CDCA2: variants seen among roughly 807,000 people sequenced by gnomAD.
CDCA2 encodes cell division cycle-associated protein 2.
CDCA2 carries 44 observed loss-of-function variants against 67.0 expected under a neutral mutation model. The observed-to-expected ratio is 0.66, with a 90% CI of 0.52 to 0.84. The LOEUF is 0.84. Ranked by LOEUF, CDCA2 falls within the 40% of genes least tolerant of loss-of-function variation. The probability of loss-of-function intolerance (pLI) is 0.00; values close to 1 mark genes in which losing one functional copy is unlikely to be tolerated. For missense variants in CDCA2, 1,253 were observed against 1,203.2 expected, an observed-to-expected ratio of 1.04 and a Z score of -0.61; for synonymous variants, 447 against 418.7, an observed-to-expected ratio of 1.07 and a Z score of -0.82.
In CDCA2 at chr8:25,460,452, A is replaced by G. The variant is rs751292843; in HGVS notation, c.130A>G (p.Asn44Asp). 1.1e-5 allele frequency: 17 copies of G among 1,614,022 alleles called. No homozygotes were observed. The Admixed American group carries it at 1.5e-4, about 14-fold the overall frequency. ...TCAGAAGCATGCCGAATTACCTCCT[A>G]ATCCTTGCACACCAGATACTTTTAA... ...TPQKHAELPP[N>D]PCTPDTFKSP... Residue 44 changes from asparagine to aspartate, a missense_variant, in exon 3 of 15, where the codon AAT becomes GAT. Physicochemically the swap from Asn to Asp is conservative, Grantham distance 23. Coordinates refer to ENST00000330560, the MANE Select transcript of CDCA2 (RefSeq NM_152562.4).
At chr8:25,487,456 C>A in intron 12 of CDCA2, 122 bp downstream of exon 12, 1 of 688,830 alleles carries the variant, frequency 1.5e-6, no homozygotes, top group Non-Finnish European at 2.5e-6. Context: ...AGAATTAATA[C>A]TTTGGCCAGG....
intron 13 of CDCA2, among the ~76,000 whole-genome samples, chr8:25,489,834 A>C (rs1803932673): frequency 6.6e-6 from 1 of 152,222 alleles, no homozygotes; most frequent in Non-Finnish European, 1.5e-5. Context: ...ATGGTTAATG[A>C]CCATATATGA....
intron 8 of CDCA2, among the ~76,000 whole-genome samples, chr8:25,481,092 TG>T (rs1803549553): frequency 1.3e-5 from 2 of 152,200 alleles, no homozygotes; most frequent in Non-Finnish European, 2.9e-5. Flanking sequence ...GATGGTCAAT[TG>T]CTATTTGTAA....
chr8:25,468,080 T>G, intron 5 of CDCA2, 137 bp from the exon 6 acceptor site: 1 of 290,950 alleles, frequency 3.4e-6, no homozygotes, highest in Non-Finnish European at 5.4e-6. Context: ...ATCGCACCAT[T>G]GTACTCAAGC....
At chr8:25,497,666 G>A (rs191306342) in intron 13 of CDCA2, among the ~76,000 whole-genome samples, 1 of 152,036 alleles carries the variant, frequency 6.6e-6, no homozygotes, top group African/African-American at 2.4e-5. Context: ...TGGTGACTAG[G>A]AAATAATAAT....
At chr8:25,461,387 A>G (rs934463497) in intron 3 of CDCA2, among the ~76,000 whole-genome samples, 1 of 152,166 alleles carries the variant, frequency 6.6e-6, no homozygotes, top group African/African-American at 2.4e-5. Context: ...AGGAAATACT[A>G]TATGAGAATG....
chr8:25,500,152 T>G (rs1804415120), intron 13 of CDCA2, among the ~76,000 whole-genome samples: 1 of 152,046 alleles, frequency 6.6e-6, no homozygotes, highest in Non-Finnish European at 1.5e-5. Context: ...CTTTGACCAT[T>G]CATTCATTCA....
At chr8:25,483,279 A>G (rs1256540282) in intron 8 of CDCA2, 120 bp from the exon 9 acceptor site, 20 of 504,600 alleles carry the variant, frequency 4.0e-5, no homozygotes, top group Non-Finnish European at 6.7e-5. Context: ...AAATAAAGGT[A>G]ATCTTTAATA....
intron 4 of CDCA2, among the ~76,000 whole-genome samples, chr8:25,465,009 T>C (rs865992657): frequency 3.3e-5 from 5 of 152,206 alleles, no homozygotes; most frequent in African/African-American, 1.2e-4. Flanking sequence ...AGCCTTGCTC[T>C]GTTACGCAGC....
intron 7 of CDCA2, among the ~76,000 whole-genome samples, chr8:25,477,065 G>C (rs965704320): frequency 6.6e-6 from 1 of 152,142 alleles, no homozygotes; most frequent in Non-Finnish European, 1.5e-5. Context: ...AAACTTTTAA[G>C]AGAAGGCCAC....
intron 5 of CDCA2, 95 bp from the exon 6 acceptor site, chr8:25,468,118 CAAAA>C (rs60060887): frequency 6.8e-4 from 108 of 159,652 alleles, no homozygotes; most frequent in Non-Finnish European, 8.6e-4. Flanking sequence ...AACTCCGTCT[CAAAA>C]AAAAAAAAAA....
chr8:25,461,036 G>A (rs1424961206), intron 3 of CDCA2, among the ~76,000 whole-genome samples: 1 of 152,220 alleles, frequency 6.6e-6, no homozygotes, highest in South Asian at 2.1e-4. Context: ...GGGAGGCCGA[G>A]GCAGGCAGAT....
chr8:25,506,201 G>A (rs1287027718), intron 14 of CDCA2, among the ~76,000 whole-genome samples: 2 of 152,208 alleles, frequency 1.3e-5, no homozygotes, highest in African/African-American at 4.8e-5. Flanking sequence ...CATACTCATG[G>A]ACCTTGTAGC....
At chr8:25,459,229 G>GGGTGGAGGAGGCT (rs1563254182), upstream of CDCA2, 2 of 152,678 alleles carry the variant, frequency 1.3e-5, no homozygotes, top group Admixed American at 1.3e-4. Context: ...CGGAGGAGGC[G>GGGTGGAGGAGGCT]GGTGGAGGAG....
intron 6 of CDCA2, 38 bp from the exon 7 acceptor site, chr8:25,469,858 A>G: frequency 7.4e-7 from 1 of 1,351,802 alleles, no homozygotes; most frequent in Non-Finnish European, 1.1e-6. Flanking sequence ...TAGTACTCTA[A>G]TTAATAAAAT....
In CDCA2 at chr8:25,506,667, A is replaced by C; in HGVS notation, c.2001A>C (p.Ser667=). Reference sequence around the variant, plus strand: ...TCTGCTCTTATATAAAAAGTTCCTCATCGCTTGGCAATGCTACTTCTGATG... The same window carrying C: ...TCTGCTCTTATATAAAAAGTTCCTCCTCGCTTGGCAATGCTACTTCTGATG... ...SEFCSYIKSS[S]SLGNATSDED... The change falls in exon 15 of 15, where the codon TCA becomes TCC. Residue 667 remains serine, a synonymous_variant. Transcript: ENST00000330560. 6.2e-7 allele frequency: 1 copy of C among 1,613,368 alleles called. No individual in the cohort carries two copies. The highest frequency in any genetic ancestry group is 8.5e-7 in the Non-Finnish European group (1 of 1,179,878).
chr8:25,499,264 A>G (rs896318705), intron 13 of CDCA2, among the ~76,000 whole-genome samples: 2 of 139,854 alleles, frequency 1.4e-5, no homozygotes, highest in South Asian at 2.4e-4. Context: ...AACCTCTCCT[A>G]TATGGTGTGA....
intron 5 of CDCA2, among the ~76,000 whole-genome samples, chr8:25,467,900 C>T (rs1337475111): frequency 6.6e-6 from 1 of 151,832 alleles, no homozygotes; most frequent in Non-Finnish European, 1.5e-5. Context: ...GGGTGGATCA[C>T]CTGAGGTCAG....
intron 13 of CDCA2, among the ~76,000 whole-genome samples, chr8:25,502,037 A>G (rs183712101): frequency 6.6e-6 from 1 of 152,250 alleles, no homozygotes; most frequent in East Asian, 1.9e-4. Context: ...AGCTGGGACT[A>G]CAGGTGCGCA....
Sources: allele counts gnomAD v4.1 joint callset (sites outside exome capture counted in the v4.1 genomes callset), GRCh38; gene constraint gnomAD v4.1.1; transcripts MANE v1.5; gene names NCBI Gene and HGNC (gene_info 2026-07-23, HGNC 2026-07-21).